The following WDR37 variants were observed in gnomAD, a reference collection of about 807,000 sequenced individuals.
The protein encoded by WDR37 is WD repeat-containing protein 37.
A neutral mutation model predicts 62.9 loss-of-function variants in WDR37; 19 were observed. The observed-to-expected ratio is 0.30, with a 90% CI of 0.21 to 0.44. The LOEUF (loss-of-function observed/expected upper bound fraction) is 0.44, where lower values mean the gene tolerates loss of function less well. Ranked by LOEUF, WDR37 falls within the 20% of genes least tolerant of loss-of-function variation. The pLI, the probability that WDR37 is intolerant of heterozygous loss-of-function variation, is 1.00. For synonymous variants in WDR37, 250 were observed against 260.9 expected, an observed-to-expected ratio of 0.96 and a Z score of 0.40; for missense variants, 474 against 657.6, an observed-to-expected ratio of 0.72 and a Z score of 3.05.
At chr10:1,087,468 C>T (rs775381013) in intron 7 of WDR37, among the ~76,000 whole-genome samples, 11 of 152,178 alleles carry the variant, frequency 7.2e-5, no homozygotes, top group South Asian at 6.2e-4. Flanking sequence ...ACTTGAAAAT[C>T]GAAATGACTC....
chr10:1,099,380 T>G (rs1834713764), intron 9 of WDR37, among the ~76,000 whole-genome samples: 1 of 152,274 alleles, frequency 6.6e-6, no homozygotes, highest in South Asian at 2.1e-4. Context: ...TGGGCTGTGA[T>G]TGTTGCAAGG....
intron 11 of WDR37, among the ~76,000 whole-genome samples, chr10:1,111,601 A>T (rs1268211185): frequency 6.6e-6 from 1 of 152,106 alleles, no homozygotes; most frequent in Non-Finnish European, 1.5e-5. Context: ...GTTTAGAAGG[A>T]CCAGTCACCT....
At chr10:1,092,484 C>CCT (rs1402397786) in intron 7 of WDR37, among the ~76,000 whole-genome samples, 2 of 151,752 alleles carry the variant, frequency 1.3e-5, no homozygotes, top group Non-Finnish European at 2.9e-5. Context: ...CATTCTCCTG[C>CCT]CTCAGCCTCC....
intron 2 of WDR37, 80 bp downstream of exon 2, chr10:1,072,373 G>A: frequency 3.2e-6 from 5 of 1,562,030 alleles, no homozygotes; most frequent in South Asian, 2.4e-5. Flanking sequence ...GCTGGAGTGC[G>A]ATGGTGCGAT....
At chr10:1,074,857 G>C (rs1200858171) in intron 2 of WDR37, among the ~76,000 whole-genome samples, 3 of 152,268 alleles carry the variant, frequency 2.0e-5, no homozygotes, top group Non-Finnish European at 4.4e-5. Flanking sequence ...CCAGGTTCGC[G>C]CAGGCGCAGG....
Position 1,132,055 on chromosome 10 carries a change from G to A in WDR37, c.*2711G>A, listed in dbSNP as rs1168914323. On this transcript the variant is annotated 3_prime_UTR_variant, in exon 14 of 14. Transcript: ENST00000263150. ...TGGAGGAAAATGTATGCATTTATAA[G>A]TGTTCCATGGAATCAGTTTTTATTG... The A allele has an allele frequency of 6.6e-6, 1 of 152,614 alleles. No homozygotes were observed. Among genetic ancestry groups the A allele is most frequent in the South Asian group, 2.1e-4 (1 of 4,830 alleles). The allele number at this position is 152,614 out of a possible 1,614,324, so 9.5% of individuals were successfully genotyped here. A position where few individuals can be genotyped will look rare whatever the true frequency, so the allele number is the denominator to read the frequency against.
intron 2 of WDR37, among the ~76,000 whole-genome samples, chr10:1,076,690 A>C (rs1833887431): frequency 6.7e-6 from 1 of 149,910 alleles, no homozygotes; most frequent in Non-Finnish European, 1.5e-5. Context: ...AAAAAAAAAA[A>C]AAAAGTTTAC....
intron 9 of WDR37, among the ~76,000 whole-genome samples, chr10:1,099,225 T>C (rs1052792390): frequency 5.3e-5 from 8 of 152,222 alleles, no homozygotes; most frequent in African/African-American, 1.9e-4. Flanking sequence ...AGAGCAGTTA[T>C]CTCCCTAGTT....
At chr10:1,104,190 T>C (rs80066736) in intron 10 of WDR37, among the ~76,000 whole-genome samples, 2,081 of 152,322 alleles carry the variant, frequency 0.014, 19 homozygotes, top group Non-Finnish European at 0.018. Context: ...CCGTGGTAGC[T>C]GCTCTTCTCC....
rs941927303 is a variant in WDR37, at chr10:1,103,914, A to T, written c.961+78A>T. The stretch of plus-strand genomic sequence containing the variant: ...TCCATGGGTTATGTCTGACCTTGCC[A>T]CTTACTTCTTGACCAGAATGAGTCT... On this transcript the variant is annotated intron_variant, in intron 10 of 13. Coordinates refer to ENST00000263150, the MANE Select transcript of WDR37 (RefSeq NM_014023.4). This position sits in a 1 kb window ranked among gnomAD's most constrained non-coding sequence, Gnocchi z 6.3. 1 of 1,427,718 alleles carries T rather than the reference A, an allele frequency of 7.0e-7. No homozygotes were observed. The highest frequency in any genetic ancestry group is 9.6e-7 in the Non-Finnish European group (1 of 1,038,470). The allele number at this position is 1,427,718 out of a possible 1,614,324, so 88.4% of individuals were successfully genotyped here. A position where few individuals can be genotyped will look rare whatever the true frequency, so the allele number is the denominator to read the frequency against.
chr10:1,104,510 A>G (rs1834940106), intron 10 of WDR37, among the ~76,000 whole-genome samples: 1 of 152,238 alleles, frequency 6.6e-6, no homozygotes, highest in Non-Finnish European at 1.5e-5. Context: ...ACCACCCAGG[A>G]CAATATTCCC....
intron 9 of WDR37, among the ~76,000 whole-genome samples, chr10:1,098,020 C>T (rs1323208556): frequency 1.3e-5 from 2 of 152,074 alleles, no homozygotes; most frequent in Non-Finnish European, 2.9e-5. Flanking sequence ...ACTTCTGGGG[C>T]TGTTGGGATG....
rs1268156504 is a variant in WDR37 at position 1,121,339 on chromosome 10, T to C, written c.1104-2879T>C. Among the ~76,000 whole-genome samples, 1 of 152,192 alleles carries C rather than the reference T, an allele frequency of 6.6e-6. No homozygotes were observed. On this transcript the variant is annotated intron_variant, in intron 11 of 13. Transcript: ENST00000263150. This position sits in a 1 kb window ranked among gnomAD's most constrained non-coding sequence, Gnocchi z 4.5. The stretch of plus-strand genomic sequence containing the variant: ...CTGAAGACTCCAGTTCAAAGAGAAG[T>C]TGGGGGCACCTCTCCTCTCATTCTT...
chr10:1,127,567 A>G (rs1835831728), intron 13 of WDR37, among the ~76,000 whole-genome samples: 1 of 152,210 alleles, frequency 6.6e-6, no homozygotes, highest in Non-Finnish European at 1.5e-5. Context: ...GATTGAAAAT[A>G]TTTCCCTGTA....
At chr10:1,099,648 A>AGTG (rs1834722645) in intron 9 of WDR37, among the ~76,000 whole-genome samples, 1 of 152,266 alleles carries the variant, frequency 6.6e-6, no homozygotes, top group African/African-American at 2.4e-5. Context: ...GTCCACTAAC[A>AGTG]CGCACATTTA....
Position 1,077,889 on chromosome 10 carries a change from C to G in WDR37, c.139-18C>G. 6.3e-7 allele frequency: 1 copy of G among 1,588,752 alleles called. No individual in the cohort carries two copies. Among genetic ancestry groups the G allele is most frequent in the East Asian group, 2.3e-5 (1 of 44,432 alleles). On this transcript the variant is annotated intron_variant, in intron 2 of 13. Coordinates refer to ENST00000263150, the MANE Select transcript of WDR37 (RefSeq NM_014023.4). ...TTTTCATTCATTCATTCATTTTAAA[C>G]AAAGTCTTCTTCTGCAGGATTCTAA...
intron 9 of WDR37, among the ~76,000 whole-genome samples, chr10:1,096,803 A>T (rs927856158): frequency 6.6e-6 from 1 of 152,170 alleles, no homozygotes; most frequent in Non-Finnish European, 1.5e-5. Context: ...GAAAGCCTCC[A>T]TAGCGGCGAA....
chr10:1,116,385 CCTGT>C (rs1204213379), intron 11 of WDR37, among the ~76,000 whole-genome samples: 13 of 152,156 alleles, frequency 8.5e-5, no homozygotes, highest in Non-Finnish European at 1.6e-4. Context: ...GGGTCTCCAC[CCTGT>C]CTGTCAGTCC....
Position 1,130,315 on chromosome 10 carries a change from G to C in WDR37, c.*971G>C, listed in dbSNP as rs1037809883. 4 of 152,722 alleles carry C rather than the reference G, an allele frequency of 2.6e-5. No homozygotes were observed. Among genetic ancestry groups the C allele is most frequent in the African/African-American group, 9.6e-5 (4 of 41,462 alleles). The allele number at this position is 152,722 out of a possible 1,614,324, so 9.5% of individuals were successfully genotyped here. Reference sequence around the variant, plus strand: ...ACTGTTGCCTGGCTGGAGCACTTTGGTTTATAGCTGGAATACTGAGTTCAG... The same window carrying C: ...ACTGTTGCCTGGCTGGAGCACTTTGCTTTATAGCTGGAATACTGAGTTCAG... On this transcript the variant is annotated 3_prime_UTR_variant, in exon 14 of 14. Transcript: ENST00000263150.
Sources: allele counts gnomAD v4.1 joint callset (sites outside exome capture counted in the v4.1 genomes callset), GRCh38; gene constraint gnomAD v4.1.1; non-coding constraint Gnocchi (gnomAD v3.1); transcripts MANE v1.5; gene names NCBI Gene and HGNC (gene_info 2026-07-23, HGNC 2026-07-21).